Variants in ABCA10 observed in about 807,000 individuals in gnomAD.
ABCA10 encodes the protein ATP binding cassette subfamily A member 10.
Under a neutral mutation model 187.5 loss-of-function variants are expected in ABCA10, and 169 were observed. The ratio of observed to expected loss-of-function variants is 0.90; its 90% confidence interval spans 0.80 to 1.02. ABCA10 has a LOEUF of 1.02. ABCA10 is among the 50% of genes least tolerant of loss of function. ABCA10 has a pLI of 0.00. For synonymous variants in ABCA10, 574 were observed against 601.8 expected, an observed-to-expected ratio of 0.95 and a Z score of 0.68; for missense variants, 1,727 against 1,812.4, an observed-to-expected ratio of 0.95 and a Z score of 0.86.
At chr17:69,211,325 A>G (rs1173190611) in intron 9 of ABCA10, among the ~76,000 whole-genome samples, 1,999 of 16,926 alleles carry the variant, frequency 0.12, 73 homozygotes, top group African/African-American at 0.28. Flanking sequence ...ATATATATAT[A>G]TATATATATA....
chr17:69,148,760 TCTTG>T lies in ABCA10; in HGVS notation c.*63_*66del. On this transcript the variant is annotated 3_prime_UTR_variant, in exon 39 of 39. Transcript: ENST00000690296. Reference sequence around the variant, plus strand: ...TGTTAACTGAAGTAAAAGGAAACATTCTTGTAGAATTATGGAAACTAACAATGTA... The same window carrying T: ...TGTTAACTGAAGTAAAAGGAAACATTTAGAATTATGGAAACTAACAATGTA... The T allele has an allele frequency of 7.9e-7, 1 of 1,270,968 alleles. No individual in the cohort carries two copies. The highest frequency in any genetic ancestry group is 1.1e-6 in the Non-Finnish European group (1 of 893,616). The allele number at this position is 1,270,968 out of a possible 1,614,324, so 78.7% of individuals were successfully genotyped here. A position where few individuals can be genotyped will look rare whatever the true frequency, so the allele number is the denominator to read the frequency against.
Position 69,222,686 on chromosome 17 carries a change from T to C in ABCA10, c.46A>G (p.Ile16Val). ...LASFMKGRTV[I>V]GTPDEETMDI... Reference sequence around the variant, plus strand: ...ATGGTCTCTTCATCTGGTGTCCCAATGACTGTTCTTCCTACCATGTATGAA... The same window carrying C: ...ATGGTCTCTTCATCTGGTGTCCCAACGACTGTTCTTCCTACCATGTATGAA... Residue 16 changes from isoleucine (I) to valine (V), a missense_variant, in exon 4 of 39, where the codon ATT becomes GTT. Coordinates refer to ENST00000690296, the MANE Select transcript of ABCA10 (RefSeq NM_001377321.1). The C allele has an allele frequency of 6.3e-7, 1 of 1,577,828 alleles. No homozygotes were observed. Among genetic ancestry groups the C allele is most frequent in the Non-Finnish European group, 8.5e-7 (1 of 1,170,088 alleles).
intron 11 of ABCA10, among the ~76,000 whole-genome samples, chr17:69,196,063 G>A (rs974250625): frequency 6.6e-6 from 1 of 152,148 alleles, no homozygotes; most frequent in African/African-American, 2.4e-5. Context: ...CGTTCTCAAT[G>A]AGCTGCTGGG....
In ABCA10 at chr17:69,192,622, C is replaced by T; in HGVS notation, c.1812G>A (p.Leu604=). ...GAAACAAAGATGATCCTGCACATTT[C>T]AACTTCCCATTAGACAGAAATACTT... ...DRKVFLSNGK[L]KCAGSSLFLK... Residue 604 remains leucine (L), a synonymous_variant, in exon 16 of 39, where the codon TTG becomes TTA. Transcript: ENST00000690296. The T allele has an allele frequency of 5.0e-6, 8 of 1,613,616 alleles. No homozygotes were observed. The highest frequency in any genetic ancestry group is 5.9e-6 in the Non-Finnish European group (7 of 1,179,884).
intron 27 of ABCA10, among the ~76,000 whole-genome samples, chr17:69,162,846 T>TACATATAC (rs1568051566): frequency 5.3e-5 from 8 of 149,928 alleles, no homozygotes; most frequent in African/African-American, 9.8e-5. Context: ...TACATATATA[T>TACATATAC]ATATATATAT....
chr17:69,202,627 AAATT>A (rs1254666849), intron 9 of ABCA10, among the ~76,000 whole-genome samples: 3 of 152,068 alleles, frequency 2.0e-5, no homozygotes, highest in African/African-American at 7.3e-5. Flanking sequence ...TATTTTATAT[AAATT>A]TTTTTCAACC....
chr17:69,240,607 T>C (rs2074898022), intron 1 of ABCA10, among the ~76,000 whole-genome samples: 3 of 151,762 alleles, frequency 2.0e-5, no homozygotes, highest in Non-Finnish European at 4.4e-5. Flanking sequence ...TACCATGTGG[T>C]GAGATTTTGG....
intron 1 of ABCA10, among the ~76,000 whole-genome samples, chr17:69,235,306 C>T (rs1037942018): frequency 9.2e-5 from 14 of 152,300 alleles, no homozygotes; most frequent in African/African-American, 3.4e-4. Context: ...CCGGTGATTA[C>T]AATCTAACTT....
chr17:69,215,854 A>T lies in ABCA10; in HGVS notation c.819T>A (p.Ser273Arg). The T allele has an allele frequency of 6.2e-7, 1 of 1,612,490 alleles. No homozygotes were observed. Among genetic ancestry groups the T allele is most frequent in the Middle Eastern group, 1.7e-4 (1 of 6,052 alleles). ...QLPLSLGWVL[S>R]LLSPFAFTAG... is the part of the protein sequence containing the mutation. The stretch of plus-strand genomic sequence containing the variant: ...CAGTGAAGGCAAAAGGGCTAAGAAG[A>T]CTTAATACCCATCCCAAAGATAAAG... Residue 273 changes from serine to arginine, a missense_variant, in exon 8 of 39, where the codon AGT becomes AGA. By Grantham distance (110) the Ser-to-Arg change is moderately radical (BLOSUM62 -1). Transcript: ENST00000690296.
At chr17:69,230,378 T>A (rs1243888570), upstream of ABCA10, among the ~76,000 whole-genome samples, 1 of 152,020 alleles carries the variant, frequency 6.6e-6, no homozygotes, top group Non-Finnish European at 1.5e-5. Flanking sequence ...CAGTTGGGAG[T>A]CTGAGACCTG....
rs2074509956 is a variant in ABCA10, at chr17:69,197,006, C to CAGAGGGAGGGGGAGGGGGAGAGGG, written c.1234+34_1234+57dup. The CAGAGGGAGGGGGAGGGGGAGAGGG allele has an allele frequency of 1.4e-5, 7 of 500,110 alleles. 1 individual carries two copies. In the South Asian group the frequency reaches 2.3e-4, roughly 16 times the overall value. The allele number at this position is 500,110 out of a possible 1,614,324, so 31.0% of individuals were successfully genotyped here. ...CTTGGCATCAGAGGGAGACCGTGGA[C>CAGAGGGAGGGGGAGGGGGAGAGGG]AGAGGGAGGGGGAGGGGGAGAGGGA... On this transcript the variant is annotated intron_variant, in intron 11 of 38. Transcript: ENST00000690296.
intron 1 of ABCA10, among the ~76,000 whole-genome samples, chr17:69,240,588 A>T (rs1039193313): frequency 1.3e-5 from 2 of 152,146 alleles, no homozygotes; most frequent in African/African-American, 4.8e-5. Flanking sequence ...CAATTTCTTT[A>T]GTAAATAGTA....
intron 6 of ABCA10, among the ~76,000 whole-genome samples, chr17:69,217,748 A>C (rs2074716971): frequency 6.6e-6 from 1 of 152,220 alleles, no homozygotes; most frequent in Admixed American, 6.5e-5. Context: ...TAGCAGTTTT[A>C]CCTTAATACT....
chr17:69,163,620 G>A (rs2074234709), intron 27 of ABCA10, among the ~76,000 whole-genome samples: 1 of 152,194 alleles, frequency 6.6e-6, no homozygotes, highest in South Asian at 2.1e-4. Flanking sequence ...GTGCAAACAA[G>A]AGTATGTTTC....
chr17:69,188,551 G>A (rs1433486928), intron 18 of ABCA10, among the ~76,000 whole-genome samples: 1 of 151,016 alleles, frequency 6.6e-6, no homozygotes, highest in African/African-American at 2.4e-5. Flanking sequence ...TGCTACATGG[G>A]TAAACTGTGT....
In ABCA10 at chr17:69,210,193, T is replaced by TTTTTC. The variant is rs1555662764; in HGVS notation, c.1006+4510_1006+4511insGAAAA. Among the ~76,000 whole-genome samples, 46 of 113,176 alleles carry TTTTTC rather than the reference T, an allele frequency of 4.1e-4. 2 individuals carry two copies. Among genetic ancestry groups the TTTTTC allele is most frequent in the African/African-American group, 1.7e-3 (42 of 24,368 alleles). The allele number at this position is 113,176 out of a possible 152,430, so 74.2% of individuals were successfully genotyped here. On this transcript the variant is annotated intron_variant, in intron 9 of 38. Coordinates refer to ENST00000690296, the MANE Select transcript of ABCA10 (RefSeq NM_001377321.1). ...TTCTTTTTTTTTTTTTTTTTTTTTT[T>TTTTTC]TTTTTTTGAGACGGAGTCTCGCTCT...
intron 22 of ABCA10, among the ~76,000 whole-genome samples, chr17:69,177,846 C>G (rs943454761): frequency 6.7e-6 from 1 of 149,358 alleles, no homozygotes; most frequent in Non-Finnish European, 1.5e-5. Flanking sequence ...ATTCCAGCTA[C>G]TTGGGAGGCT....
At chr17:69,166,193 G>C (rs1332956290) in intron 25 of ABCA10, among the ~76,000 whole-genome samples, 1 of 152,130 alleles carries the variant, frequency 6.6e-6, no homozygotes, top group Non-Finnish European at 1.5e-5. Flanking sequence ...GCATATCTCA[G>C]TAAAAAGTGG....
intron 2 of ABCA10, among the ~76,000 whole-genome samples, chr17:69,225,936 T>C (rs2074790296): frequency 6.6e-6 from 1 of 152,030 alleles, no homozygotes; most frequent in Admixed American, 6.6e-5. Flanking sequence ...AGGGATGACT[T>C]AAATGACAGC....
Sources: gnomAD v4.1 joint callset for allele counts (sites outside exome capture counted in the v4.1 genomes callset) on GRCh38, gnomAD v4.1.1 for gene constraint, MANE v1.5 for transcripts, NCBI Gene and HGNC (gene_info 2026-07-23, HGNC 2026-07-21) for gene names.